The following QRFPR variants were observed in gnomAD, a reference collection of about 807,000 sequenced individuals.
QRFPR encodes the protein pyroglutamylated RF-amide peptide receptor.
QRFPR carries 37 observed loss-of-function variants against 31.3 expected under a neutral mutation model. The observed-to-expected ratio is 1.18, with a 90% CI of 0.91 to 1.56. The LOEUF is 1.56. Among genes scored for constraint, QRFPR ranks in the 40% most tolerant of loss-of-function variants. The pLI, the probability that QRFPR is intolerant of heterozygous loss-of-function variation, is 0.00. For synonymous variants in QRFPR, 197 were observed against 192.0 expected (o/e 1.03, Z -0.22); for missense variants, 542 against 532.5 (o/e 1.02, Z -0.18).
At position 121,329,561 on chromosome 4, in the gene QRFPR, C is replaced by G. The variant is rs1358241411; in HGVS notation, c.1049G>C (p.Cys350Ser). 6.2e-7 allele frequency: 1 copy of G among 1,613,732 alleles called. No homozygotes were observed. ...KKNVLSAVCY[C>S]IVNKTFSPAQ... ...TGGAGAGAAGGTTTTATTTACTATG[C>G]AATAACAAACTGCAGACAAAACATT... Residue 350 changes from cysteine to serine, a missense_variant, in exon 6 of 6, where the codon TGC becomes TCC. Cys to Ser is a moderately radical substitution (Grantham distance 112). Coordinates refer to ENST00000394427, the MANE Select transcript of QRFPR (RefSeq NM_198179.3).
At chr4:121,360,481 A>T (rs946225703) in intron 1 of QRFPR, among the ~76,000 whole-genome samples, 1 of 151,300 alleles carries the variant, frequency 6.6e-6, no homozygotes, top group Non-Finnish European at 1.5e-5. Flanking sequence ...GATGGGTTTA[A>T]TTTTTTTTTA....
At chr4:121,349,096 T>A (rs1036821958) in intron 1 of QRFPR, among the ~76,000 whole-genome samples, 1 of 148,268 alleles carries the variant, frequency 6.7e-6, no homozygotes, top group African/African-American at 2.5e-5. Context: ...GAAGACTCCA[T>A]CTCAAAAAAA....
At chr4:121,330,136 T>G (rs574028350) in intron 5 of QRFPR, among the ~76,000 whole-genome samples, 1 of 152,276 alleles carries the variant, frequency 6.6e-6, no homozygotes, top group Admixed American at 6.5e-5. Context: ...GAAATGCTAA[T>G]AGGATGTCAC....
intron 1 of QRFPR, among the ~76,000 whole-genome samples, chr4:121,351,541 C>T (rs1372645712): frequency 6.6e-6 from 1 of 151,936 alleles, no homozygotes; most frequent in Non-Finnish European, 1.5e-5. Flanking sequence ...ATAAAATGAG[C>T]CTGGGTTAAA....
chr4:121,331,418 A>G (rs567777162), intron 4 of QRFPR, among the ~76,000 whole-genome samples: 55 of 151,136 alleles, frequency 3.6e-4, no homozygotes, highest in African/African-American at 1.2e-3. Context: ...TCCTGGGCTC[A>G]AGCAATCTTC....
chr4:121,354,703 C>T (rs1725832640), intron 1 of QRFPR, among the ~76,000 whole-genome samples: 1 of 151,900 alleles, frequency 6.6e-6, no homozygotes, highest in African/African-American at 2.4e-5. Flanking sequence ...TACATGGTTT[C>T]TATCATGTTG....
chr4:121,344,838 C>T (rs775869449), intron 1 of QRFPR, among the ~76,000 whole-genome samples: 1 of 152,096 alleles, frequency 6.6e-6, no homozygotes, highest in Non-Finnish European at 1.5e-5. Context: ...TTTATCTTTC[C>T]CAATGTGAAT....
At position 121,380,570 on chromosome 4, in the gene QRFPR, G is replaced by T. The variant is rs530181946; in HGVS notation, c.78C>A (p.Ile26=). The T allele has an allele frequency of 2.5e-6, 4 of 1,607,624 alleles. No individual in the cohort carries two copies. The East Asian group carries it at 6.7e-5, about 27-fold the overall frequency. The change falls in exon 1 of 6, where the codon ATC becomes ATA. Residue 26 remains isoleucine (I), a synonymous_variant. Transcript: ENST00000394427. ...CGAGCGGTCGCAGCCGGTACAGAGC[G>T]ATGAACTGCTCCCGCGTCAGGTTGT... ...RDHNLTREQF[I]ALYRLRPLVY...
At chr4:121,376,605 T>A (rs546713913) in intron 1 of QRFPR, among the ~76,000 whole-genome samples, 2 of 152,044 alleles carry the variant, frequency 1.3e-5, no homozygotes, top group African/African-American at 4.8e-5. Flanking sequence ...ATTTCCATGA[T>A]GTGAATACTC....
intron 1 of QRFPR, among the ~76,000 whole-genome samples, chr4:121,343,040 G>A (rs1182403142): frequency 2.0e-4 from 30 of 152,176 alleles, no homozygotes; most frequent in Admixed American, 2.0e-3. Flanking sequence ...AAAGGTGAAT[G>A]GAGAAGGGAA....
At position 121,380,520 on chromosome 4, in the gene QRFPR, C is replaced by G; in HGVS notation, c.128G>C (p.Arg43Pro). 6.2e-7 allele frequency: 1 copy of G among 1,613,748 alleles called. No homozygotes were observed. The highest frequency in any genetic ancestry group is 8.5e-7 in the Non-Finnish European group (1 of 1,179,848). Residue 43 changes from arginine (R) to proline (P), a missense_variant, in exon 1 of 6, where the codon CGC becomes CCC. Arg to Pro is a moderately radical substitution (Grantham distance 103, BLOSUM62 -2). Transcript: ENST00000394427. ...GGTGAGCACGAGGGCCAGCTTGGCG[C>G]GTCCCGGCAGCTCTGGGGTGTAGAC... ...PLVYTPELPG[R>P]AKLALVLTGV...
At chr4:121,358,778 G>A (rs111362008) in intron 1 of QRFPR, among the ~76,000 whole-genome samples, 1 of 152,132 alleles carries the variant, frequency 6.6e-6, no homozygotes, top group Non-Finnish European at 1.5e-5. Context: ...GATCATGGCT[G>A]AGCCACACTG....
intron 1 of QRFPR, among the ~76,000 whole-genome samples, chr4:121,351,207 TC>T (rs1428493450): frequency 6.6e-6 from 1 of 152,180 alleles, no homozygotes; most frequent in Non-Finnish European, 1.5e-5. Flanking sequence ...GTAGGAGCTG[TC>T]CCCTGGAAAA....
chr4:121,366,383 A>G (rs1303747813), intron 1 of QRFPR, among the ~76,000 whole-genome samples: 1 of 149,982 alleles, frequency 6.7e-6, no homozygotes, highest in Non-Finnish European at 1.5e-5. Context: ...CTATTCTTTG[A>G]ATCTGGGCCA....
At chr4:121,340,274 C>G in intron 2 of QRFPR, 178 bp downstream of exon 2, 1 of 653,618 alleles carries the variant, frequency 1.5e-6, no homozygotes, top group East Asian at 2.8e-5. Context: ...TTGAGGTCAG[C>G]CTAAAAGAGA....
At chr4:121,379,735 C>T (rs1212523044) in intron 1 of QRFPR, among the ~76,000 whole-genome samples, 1 of 152,048 alleles carries the variant, frequency 6.6e-6, no homozygotes, top group Non-Finnish European at 1.5e-5. Flanking sequence ...TTTAAAAGGA[C>T]TAGTTCAATA....
At chr4:121,380,193 GAGA>G (rs1560749160) in intron 1 of QRFPR, 112 bp downstream of exon 1, 10 of 188,568 alleles carry the variant, frequency 5.3e-5, no homozygotes, top group Non-Finnish European at 6.3e-5. Context: ...AGAGGAGAGA[GAGA>G]GAGAGAGAGA....
intron 1 of QRFPR, chr4:121,369,500 C>T (rs1332433314): frequency 1.6e-5 from 23 of 1,403,184 alleles, no homozygotes; most frequent in Middle Eastern, 1.8e-4. Flanking sequence ...TGGCTGTTTC[C>T]TCCCTTCCGT....
intron 3 of QRFPR, among the ~76,000 whole-genome samples, chr4:121,335,492 T>G (rs1052760127): frequency 2.7e-5 from 4 of 147,720 alleles, no homozygotes; most frequent in Non-Finnish European, 5.9e-5. Context: ...CTAGAGGGCA[T>G]TGATTCCAGT....
Sources: gnomAD v4.1 joint callset for allele counts (sites outside exome capture counted in the v4.1 genomes callset) on GRCh38, gnomAD v4.1.1 for gene constraint, MANE v1.5 for transcripts, NCBI Gene and HGNC (gene_info 2026-07-23, HGNC 2026-07-21) for gene names.